Variants in FOCAD observed in about 807,000 individuals in gnomAD.
FOCAD encodes focadhesin.
Under a neutral mutation model 225.6 loss-of-function variants are expected in FOCAD, and 198 were observed. The ratio of observed to expected loss-of-function variants is 0.88; its 90% CI spans 0.78 to 0.99. FOCAD has a LOEUF of 0.99. Ranked by LOEUF, FOCAD falls within the 50% of genes least tolerant of loss-of-function variation. FOCAD has a pLI of 0.00. For synonymous variants in FOCAD, 897 were observed against 755.0 expected (o/e 1.19, Z -3.08); for missense variants, 2,713 against 2,123.6 (o/e 1.28, Z -5.46).
chr9:20,871,406 T>C (rs1254010209), intron 18 of FOCAD, among the ~76,000 whole-genome samples: 1 of 151,996 alleles, frequency 6.6e-6, no homozygotes, highest in Non-Finnish European at 1.5e-5. Context: ...TTTTAGCAGC[T>C]AATATAATAT....
intron 11 of FOCAD, among the ~76,000 whole-genome samples, chr9:20,801,304 G>C (rs1018475569): frequency 6.6e-6 from 1 of 152,138 alleles, no homozygotes; most frequent in Non-Finnish European, 1.5e-5. Context: ...AAGCAATGCC[G>C]TTGAAATTAG....
chr9:20,922,108 A>AT (rs1214064309), intron 24 of FOCAD, among the ~76,000 whole-genome samples: 2 of 152,196 alleles, frequency 1.3e-5, no homozygotes, highest in Admixed American at 6.5e-5. Context: ...TTGTTAAATG[A>AT]TTTTATGGCT....
chr9:20,716,031 A>G (rs964030175), intron 2 of FOCAD: 2 of 365,652 alleles, frequency 5.5e-6, no homozygotes, highest in South Asian at 5.0e-5. Flanking sequence ...AGCAGAAGCC[A>G]TCTTGAAGAC....
intron 6 of FOCAD, among the ~76,000 whole-genome samples, chr9:20,760,197 G>A (rs1443568685): frequency 6.6e-6 from 1 of 152,202 alleles, no homozygotes; most frequent in African/African-American, 2.4e-5. Context: ...AGTCTCTGTG[G>A]CTGTGGTTTT....
Position 20,984,031 on chromosome 9 carries a change from G to T in FOCAD, c.4728+1585G>T, listed in dbSNP as rs1840942017. Among the ~76,000 whole-genome samples, 4 of 152,316 alleles carry T rather than the reference G, an allele frequency of 2.6e-5. No homozygotes were observed. In the South Asian group the frequency reaches 8.3e-4, roughly 32 times the overall value. The stretch of plus-strand genomic sequence containing the variant: ...GAGTTTCTACCTAAAATACCATTCA[G>T]AACATTGTCACTGGAACATACTAAG... On this transcript the variant is annotated intron_variant, in intron 39 of 43. Coordinates refer to ENST00000338382, the MANE Select transcript of FOCAD (RefSeq NM_001375567.1).
In FOCAD at chr9:20,822,933, G is replaced by A. The variant is rs184808451; in HGVS notation, c.1794-56G>A. ...GCTTTTTGTTTAGGCAAAAGATCTG[G>A]GAGTGATAACTGCACTTTAGCATTA... On this transcript the variant is annotated intron_variant, in intron 14 of 43. Coordinates refer to ENST00000338382, the MANE Select transcript of FOCAD (RefSeq NM_001375567.1). The A allele has an allele frequency of 1.2e-3, 1,762 of 1,502,392 alleles. 1 individual carries two copies. The highest frequency in any genetic ancestry group is 1.5e-3 in the Non-Finnish European group (1,696 of 1,127,350). The allele number at this position is 1,502,392 out of a possible 1,614,324, so 93.1% of individuals were successfully genotyped here.
chr9:20,910,180 T>TA (rs1034656433), intron 22 of FOCAD, among the ~76,000 whole-genome samples: 60 of 152,180 alleles, frequency 3.9e-4, no homozygotes, highest in African/African-American at 1.4e-3. Flanking sequence ...CCCATTAAGA[T>TA]AAAAAATGCA....
chr9:20,928,123 C>T (rs1011670077), intron 26 of FOCAD, among the ~76,000 whole-genome samples: 6 of 152,068 alleles, frequency 3.9e-5, no homozygotes, highest in Admixed American at 3.9e-4. Flanking sequence ...CTATCTAGTT[C>T]AGGTATTCAC....
rs201518967 is a variant in FOCAD, at chr9:20,946,829, G to A, written c.3675+9G>A. ...TGGAGAATAGCCAGCAGGTTGGAAC[G>A]TGTGCCCTGATTATTTCTCTCTGTG... On this transcript the variant is annotated intron_variant, in intron 30 of 43. Coordinates refer to ENST00000338382, the MANE Select transcript of FOCAD (RefSeq NM_001375567.1). The A allele has an allele frequency of 3.4e-5, 55 of 1,612,620 alleles. No individual in the cohort carries two copies. In the East Asian group the frequency reaches 8.0e-4, roughly 24 times the overall value.
At chr9:20,662,204 ATGTGTGTG>A (rs3086515) in intron 2 of FOCAD, among the ~76,000 whole-genome samples, 1 of 150,978 alleles carries the variant, frequency 6.6e-6, no homozygotes. Context: ...GTGTGCATAT[ATGTGTGTG>A]TGTGTGTGTA....
chr9:20,969,712 AT>A (rs774774199), intron 35 of FOCAD, among the ~76,000 whole-genome samples: 3 of 36,400 alleles, frequency 8.2e-5, no homozygotes, highest in Non-Finnish European at 1.4e-4. Context: ...ATATAAAAAA[AT>A]ATATATATAT....
rs150165699 is a variant in FOCAD, at chr9:20,981,589, G to A, written c.4541G>A (p.Ser1514Asn). ...ELCPSALHGL[S>N]QAMKLPSPAH... Reference sequence around the variant, plus strand: ...TGCCCAAGTGCTTTACACGGTCTGAGCCAGGCCATGAAACTGCCCAGCCCT... The same window carrying A: ...TGCCCAAGTGCTTTACACGGTCTGAACCAGGCCATGAAACTGCCCAGCCCT... The change falls in exon 38 of 44, where the codon AGC becomes AAC. Residue 1514 changes from serine to asparagine, a missense_variant. Physicochemically the swap from Ser to Asn is conservative, Grantham distance 46. Coordinates refer to ENST00000338382, the MANE Select transcript of FOCAD (RefSeq NM_001375567.1). 1.2e-6 allele frequency: 2 copies of A among 1,614,048 alleles called. No homozygotes were observed. The highest frequency in any genetic ancestry group is 2.2e-5 in the East Asian group (1 of 44,826).
At chr9:20,683,673 G>A (rs1822479796), upstream of FOCAD, 1 of 152,236 alleles carries the variant, frequency 6.6e-6, no homozygotes, top group Non-Finnish European at 1.5e-5. Flanking sequence ...ACTACCTCAG[G>A]ACTATCTAAC....
chr9:20,790,976 T>C (rs1488780585), intron 11 of FOCAD, among the ~76,000 whole-genome samples: 1 of 152,182 alleles, frequency 6.6e-6, no homozygotes, highest in Non-Finnish European at 1.5e-5. Context: ...GGTGTATGCG[T>C]AATGTGAATC....
At chr9:20,887,597 C>T (rs1296465865) in intron 21 of FOCAD, among the ~76,000 whole-genome samples, 4 of 152,106 alleles carry the variant, frequency 2.6e-5, no homozygotes, top group East Asian at 1.9e-4. Flanking sequence ...GATGGACCTT[C>T]GGGTTTTTTC....
At chr9:20,958,067 C>T (rs1250280875) in intron 35 of FOCAD, among the ~76,000 whole-genome samples, 1 of 150,766 alleles carries the variant, frequency 6.6e-6, no homozygotes, top group African/African-American at 2.4e-5. Flanking sequence ...TACTTACTGG[C>T]TGTATAACTT....
At chr9:20,938,777 A>G (rs951687397) in intron 28 of FOCAD, among the ~76,000 whole-genome samples, 1 of 152,058 alleles carries the variant, frequency 6.6e-6, no homozygotes, top group African/African-American at 2.4e-5. Context: ...TATCTTACCA[A>G]TTTTTAAGAA....
At chr9:20,768,301 C>T (rs1262749065) in intron 7 of FOCAD, among the ~76,000 whole-genome samples, 17 of 151,292 alleles carry the variant, frequency 1.1e-4, no homozygotes, top group African/African-American at 2.4e-4. Flanking sequence ...ATTGACTTGG[C>T]GATGCGGGCT....
Position 20,770,231 on chromosome 9 carries a change from T to C in FOCAD, c.899T>C (p.Leu300Pro). The change falls in exon 8 of 44, where the codon CTG (leucine) becomes CCG (proline). Residue 300 changes from leucine to proline, a missense_variant. Transcript: ENST00000338382. ...CTTTTAGAGCACAGTGTTGAACTTC[T>C]GAAGGAGGTAAGGATAGTAGTATAT... ...IHLLEHSVEL[L>P]KEDFPVELVI... is the part of the protein sequence containing the mutation. The C allele has an allele frequency of 6.2e-7, 1 of 1,613,584 alleles. No individual in the cohort carries two copies. The highest frequency in any genetic ancestry group is 1.1e-5 in the South Asian group (1 of 91,068).
Sources: gnomAD v4.1 joint callset for allele counts (sites outside exome capture counted in the v4.1 genomes callset) on GRCh38, gnomAD v4.1.1 for gene constraint, MANE v1.5 for transcripts, NCBI Gene and HGNC (gene_info 2026-07-23, HGNC 2026-07-21) for gene names.